AKAP6: variants seen among roughly 807,000 people sequenced by gnomAD.
AKAP6 encodes A-kinase anchoring protein 6.
Under a neutral mutation model 188.5 loss-of-function variants are expected in AKAP6, and 58 were observed. That is an observed-to-expected ratio of 0.31 (90% CI 0.25 to 0.38). The LOEUF (loss-of-function observed/expected upper bound fraction) is 0.38. AKAP6 is among the 10% of genes least tolerant of loss of function. The pLI, the probability that AKAP6 is intolerant of heterozygous loss-of-function variation, is 1.00. For missense variants in AKAP6, 2,710 were observed against 2,740.0 expected (o/e 0.99, Z 0.24); for synonymous variants, 989 against 998.6 (o/e 0.99, Z 0.18).
At chr14:32,496,198 A>G (rs1017212717) in intron 2 of AKAP6, among the ~76,000 whole-genome samples, 1 of 152,326 alleles carries the variant, frequency 6.6e-6, no homozygotes, top group African/African-American at 2.4e-5. Context: ...ATGACTTAAC[A>G]CATACTTGGA....
At chr14:32,808,297 GC>G (rs377036770) in intron 12 of AKAP6, among the ~76,000 whole-genome samples, 32 of 152,274 alleles carry the variant, frequency 2.1e-4, no homozygotes, top group African/African-American at 7.7e-4. Flanking sequence ...CATTAGCTGA[GC>G]ACTCTAAGAC....
intron 12 of AKAP6, among the ~76,000 whole-genome samples, chr14:32,816,283 C>T (rs2284900): frequency 7.9e-5 from 12 of 151,870 alleles, no homozygotes; most frequent in African/African-American, 2.7e-4. Context: ...GTGTTGAACT[C>T]GTGGCCTCAA....
At chr14:32,379,128 C>T (rs918479870) in intron 1 of AKAP6, among the ~76,000 whole-genome samples, 6 of 152,040 alleles carry the variant, frequency 3.9e-5, no homozygotes, top group South Asian at 4.2e-4. Context: ...ACCATGTTGG[C>T]CAGGCTGGTC....
intron 11 of AKAP6, among the ~76,000 whole-genome samples, chr14:32,763,232 C>G (rs1344897343): frequency 6.6e-6 from 1 of 152,056 alleles, no homozygotes; most frequent in Non-Finnish European, 1.5e-5. Context: ...AACTGTCATT[C>G]TCTGTTTCTG....
chr14:32,668,964 C>T (rs1361419905), intron 7 of AKAP6, among the ~76,000 whole-genome samples: 1 of 152,090 alleles, frequency 6.6e-6, no homozygotes, highest in African/African-American at 2.4e-5. Context: ...TTAGAACTCT[C>T]TTATACAATA....
chr14:32,609,529 G>A (rs1566602686), intron 7 of AKAP6, among the ~76,000 whole-genome samples: 1 of 152,146 alleles, frequency 6.6e-6, no homozygotes, highest in Non-Finnish European at 1.5e-5. Flanking sequence ...TTGGACTGGG[G>A]CAGTGGCTTC....
chr14:32,659,356 T>A (rs1003893706), intron 7 of AKAP6, among the ~76,000 whole-genome samples: 1 of 152,150 alleles, frequency 6.6e-6, no homozygotes, highest in African/African-American at 2.4e-5. Context: ...GTTAACATCC[T>A]CTTTTGGTCC....
chr14:32,426,060 A>T (rs1031048763), intron 1 of AKAP6, among the ~76,000 whole-genome samples: 2 of 152,204 alleles, frequency 1.3e-5, no homozygotes, highest in African/African-American at 2.4e-5. Flanking sequence ...GATCTTCTGC[A>T]TATGGCTAGC....
intron 2 of AKAP6, among the ~76,000 whole-genome samples, chr14:32,517,311 A>G (rs1881574494): frequency 6.6e-6 from 1 of 152,238 alleles, no homozygotes; most frequent in Non-Finnish European, 1.5e-5. Context: ...ATCATGCTGG[A>G]GGCTGTTCAA....
chr14:32,711,651 CTA>C (rs2139753665), intron 9 of AKAP6, among the ~76,000 whole-genome samples: 1 of 152,140 alleles, frequency 6.6e-6, no homozygotes, highest in East Asian at 1.9e-4. Flanking sequence ...GCTCAGATCT[CTA>C]TATGTTAATT....
chr14:32,714,999 A>G (rs2030108472), intron 9 of AKAP6, among the ~76,000 whole-genome samples: 1 of 151,918 alleles, frequency 6.6e-6, no homozygotes, highest in African/African-American at 2.4e-5. Flanking sequence ...AGTGACAGGC[A>G]ATCACTCTAA....
chr14:32,752,156 T>C (rs544203939), intron 11 of AKAP6, among the ~76,000 whole-genome samples: 25 of 152,350 alleles, frequency 1.6e-4, no homozygotes, highest in African/African-American at 5.8e-4. Context: ...AATTGTAGAT[T>C]TTCTTCAATT....
At chr14:32,639,753 G>T (rs1379346892) in intron 7 of AKAP6, among the ~76,000 whole-genome samples, 1 of 152,168 alleles carries the variant, frequency 6.6e-6, no homozygotes, top group African/African-American at 2.4e-5. Flanking sequence ...AAGCAAAATG[G>T]AAGATCTAAA....
rs751031896 is a variant in AKAP6 at position 32,678,367 on chromosome 14, C to T, written c.2787C>T (p.Ser929=). ...EAQRDAVEQM[S]LKLYSEQYTS... ...AAAGAGATGCTGTTGAGCAGATGTC[C>T]CTCAAGCTGTACAGCGAGCAGTATA... The change falls in exon 8 of 14, where the codon TCC becomes TCT. Residue 929 remains serine (S), a synonymous_variant. Coordinates refer to ENST00000280979, the MANE Select transcript of AKAP6 (RefSeq NM_004274.5). The T allele has an allele frequency of 2.9e-5, 46 of 1,613,560 alleles. No individual in the cohort carries two copies. Among genetic ancestry groups the T allele is most frequent in the South Asian group, 7.7e-5 (7 of 91,042 alleles).
chr14:32,781,529 A>G (rs1227787145), intron 12 of AKAP6, among the ~76,000 whole-genome samples: 1 of 152,170 alleles, frequency 6.6e-6, no homozygotes, highest in Non-Finnish European at 1.5e-5. Context: ...AAAGTTGTCC[A>G]GAAATTGAAA....
chr14:32,546,711 C>A lies in AKAP6; in HGVS notation c.2058C>A (p.Val686=). 2 of 1,614,066 alleles carry A rather than the reference C, an allele frequency of 1.2e-6. No individual in the cohort carries two copies. Among genetic ancestry groups the A allele is most frequent in the Non-Finnish European group, 1.7e-6 (2 of 1,180,000 alleles). ...CTGAAATCTATCCAACCTATCATGTCAAAAAGAAGCATACAAGGCTAGGCA... is the reference window on the plus strand; with the variant it reads ...CTGAAATCTATCCAACCTATCATGTAAAAAAGAAGCATACAAGGCTAGGCA... The part of the protein sequence containing the change: ...SDSEIYPTYH[V]KKKHTRLGRV... Residue 686 remains valine (V), a synonymous_variant, in exon 4 of 14, where the codon GTC becomes GTA. Transcript: ENST00000280979.
chr14:32,494,417 T>G (rs2138958512), intron 2 of AKAP6: 1 of 152,350 alleles, frequency 6.6e-6, no homozygotes. Context: ...TTTATTTTTT[T>G]GCTAATTTCT....
At chr14:32,743,137 C>T (rs1404032540) in intron 11 of AKAP6, among the ~76,000 whole-genome samples, 2 of 152,034 alleles carry the variant, frequency 1.3e-5, no homozygotes, top group Admixed American at 1.3e-4. Flanking sequence ...TTGGTCTCTT[C>T]TTATAGTTTT....
chr14:32,621,037 ATTC>A (rs1302135402), intron 7 of AKAP6, among the ~76,000 whole-genome samples: 1 of 151,784 alleles, frequency 6.6e-6, no homozygotes, highest in Non-Finnish European at 1.5e-5. Flanking sequence ...AATTGAGCTT[ATTC>A]TTCTTTTGAC....
Sources: gnomAD v4.1 joint callset for allele counts (sites outside exome capture counted in the v4.1 genomes callset) on GRCh38, gnomAD v4.1.1 for gene constraint, MANE v1.5 for transcripts, NCBI Gene and HGNC (gene_info 2026-07-23, HGNC 2026-07-21) for gene names.